The following PRUNE2 variants were observed in gnomAD, a reference collection of about 807,000 sequenced individuals.
The protein encoded by PRUNE2 is protein prune homolog 2.
In PRUNE2, 164 loss-of-function variants were observed where a neutral mutation model predicts 252.0. The ratio of observed to expected loss-of-function variants is 0.65; its 90% CI spans 0.57 to 0.74. The LOEUF (loss-of-function observed/expected upper bound fraction) is 0.74. PRUNE2 is among the 30% of genes least tolerant of loss of function. PRUNE2 has a pLI of 0.00. For synonymous variants in PRUNE2, 1,292 were observed against 1,350.2 expected, an observed-to-expected ratio of 0.96 and a Z score of 0.94; for missense variants, 3,495 against 3,711.0, an observed-to-expected ratio of 0.94 and a Z score of 1.51.
At chr9:76,673,112 G>A (rs2041841843) in intron 9 of PRUNE2, among the ~76,000 whole-genome samples, 3 of 151,902 alleles carry the variant, frequency 2.0e-5, no homozygotes, top group South Asian at 4.2e-4. Flanking sequence ...AATGAATCCA[G>A]GAGCTGGTTT....
intron 2 of PRUNE2, among the ~76,000 whole-genome samples, chr9:76,853,750 A>G (rs2060092727): frequency 6.6e-6 from 1 of 152,272 alleles, no homozygotes; most frequent in South Asian, 2.1e-4. Context: ...ACTATCAGCA[A>G]GGATGACAAA....
chr9:76,623,006 G>A (rs1833043213), intron 17 of PRUNE2, among the ~76,000 whole-genome samples: 1 of 152,170 alleles, frequency 6.6e-6, no homozygotes. Flanking sequence ...TGTCTAAATG[G>A]ATTGTTTTAA....
chr9:76,702,473 T>C (rs1198376164), intron 9 of PRUNE2, among the ~76,000 whole-genome samples: 3 of 152,136 alleles, frequency 2.0e-5, no homozygotes, highest in Non-Finnish European at 4.4e-5. Context: ...TAAACACAAA[T>C]GAAGAGAAAT....
At chr9:76,763,993 A>C (rs641125) in intron 6 of PRUNE2, among the ~76,000 whole-genome samples, 83,681 of 151,610 alleles carry the variant, frequency 0.55, 24,248 homozygotes, top group African/African-American at 0.73. Context: ...GGAGCACCTT[A>C]GGAATTGACC....
Position 76,710,288 on chromosome 9 carries a change from A to G in PRUNE2, c.1986T>C (p.Ile662=), listed in dbSNP as rs760315896. Residue 662 remains isoleucine (I), a synonymous_variant, in exon 8 of 19, where the codon ATT becomes ATC. Transcript: ENST00000376718. ...ACGCATCTGCAATATTTTTGGAGTC[A>G]ATTTCCAAACCACCCCACCAGCTGC... The part of the protein sequence containing the change: ...RCSSWWGGLE[I]DSKNIADAWS... 1 of 1,613,946 alleles carries G rather than the reference A, an allele frequency of 6.2e-7. No homozygotes were observed. Among genetic ancestry groups the G allele is most frequent in the Non-Finnish European group, 8.5e-7 (1 of 1,179,886 alleles).
At chr9:76,615,363 A>T (rs1225769127) in intron 18 of PRUNE2, 1 of 385,098 alleles carries the variant, frequency 2.6e-6, no homozygotes, top group Non-Finnish European at 3.6e-6. Context: ...GATTTTGCTT[A>T]TCTCTGCTCC....
chr9:76,773,740 G>A (rs771512062), intron 6 of PRUNE2, among the ~76,000 whole-genome samples: 2 of 152,120 alleles, frequency 1.3e-5, no homozygotes, highest in African/African-American at 2.4e-5. Context: ...CACCGCACCC[G>A]GCCAAGTACA....
At chr9:76,876,577 AC>A (rs2061489066) in intron 1 of PRUNE2, among the ~76,000 whole-genome samples, 3 of 152,096 alleles carry the variant, frequency 2.0e-5, no homozygotes. Flanking sequence ...ACCTAGACAT[AC>A]CTATTACACT....
At chr9:76,894,696 C>T (rs2062705277) in intron 1 of PRUNE2, among the ~76,000 whole-genome samples, 1 of 141,232 alleles carries the variant, frequency 7.1e-6, no homozygotes, top group Non-Finnish European at 1.5e-5. Context: ...CTTTTTGCAC[C>T]CTTTCATTAA....
At chr9:76,692,057 C>A in intron 9 of PRUNE2, 1 of 717,474 alleles carries the variant, frequency 1.4e-6, no homozygotes, top group South Asian at 1.5e-5. Flanking sequence ...CTAAAAGCTA[C>A]ACCAGGACCC....
At chr9:76,902,499 T>C (rs1484275697) in intron 1 of PRUNE2, among the ~76,000 whole-genome samples, 2 of 152,308 alleles carry the variant, frequency 1.3e-5, no homozygotes, top group South Asian at 2.1e-4. Context: ...GGTTCTCACA[T>C]CAAGGAAGTG....
intron 1 of PRUNE2, among the ~76,000 whole-genome samples, chr9:76,898,582 CA>C (rs2062982342): frequency 6.6e-6 from 1 of 151,590 alleles, no homozygotes; most frequent in South Asian, 2.1e-4. Flanking sequence ...TGACAGTAAC[CA>C]AAAGGATAAC....
intron 6 of PRUNE2, among the ~76,000 whole-genome samples, chr9:76,747,709 A>C (rs1303122842): frequency 1.3e-5 from 2 of 152,224 alleles, no homozygotes; most frequent in African/African-American, 4.8e-5. Context: ...AGTACTGCTT[A>C]AGGATGACAA....
chr9:76,753,835 G>A (rs1408109239), intron 6 of PRUNE2, among the ~76,000 whole-genome samples: 10 of 151,622 alleles, frequency 6.6e-5, no homozygotes, highest in African/African-American at 9.7e-5. Context: ...GGAGAATGGC[G>A]TGAACCCAGG....
At chr9:76,691,583 T>C (rs2044729465) in intron 9 of PRUNE2, among the ~76,000 whole-genome samples, 1 of 152,126 alleles carries the variant, frequency 6.6e-6, no homozygotes, top group Admixed American at 6.5e-5. Context: ...TACAAGATTC[T>C]TTAGAAAAAC....
rs759627070 is a variant in PRUNE2 at position 76,774,459 on chromosome 9, T to TATTTATTTATTTATTTATTTA, written c.756+49172_756+49173insTAAATAAATAAATAAATAAAT. On this transcript the variant is annotated intron_variant, in intron 6 of 18. Coordinates refer to ENST00000376718, the MANE Select transcript of PRUNE2 (RefSeq NM_015225.3). ...GGCCTCCAGTTCAACCCTTTTTTTTTTTTTTTTTTTTTTTTTTTGAGATGG... is the reference window on the plus strand; with the variant it reads ...GGCCTCCAGTTCAACCCTTTTTTTTTATTTATTTATTTATTTATTTATTTTTTTTTTTTTTTTTTGAGATGG... 2.2e-4 allele frequency among the ~76,000 whole-genome samples: 30 copies of TATTTATTTATTTATTTATTTA among 139,124 alleles called. 1 individual carries two copies. The highest frequency in any genetic ancestry group is 7.9e-4 in the African/African-American group (30 of 38,042). 91.3% of individuals were successfully genotyped at this position (139,124 alleles called of 152,430 possible).
At chr9:76,891,056 A>C (rs2062443041) in intron 1 of PRUNE2, among the ~76,000 whole-genome samples, 1 of 152,196 alleles carries the variant, frequency 6.6e-6, no homozygotes, top group Non-Finnish European at 1.5e-5. Context: ...GATACAAAAG[A>C]TTGGTAGGGA....
chr9:76,638,665 G>C (rs555543597), intron 12 of PRUNE2, among the ~76,000 whole-genome samples: 19 of 152,276 alleles, frequency 1.2e-4, no homozygotes, highest in African/African-American at 4.6e-4. Context: ...TAATACATAA[G>C]TACTTATACA....
rs2046442588 is a variant in PRUNE2, at chr9:76,708,142, T to G, written c.4132A>C (p.Ile1378Leu). The change falls in exon 8 of 19, where the codon ATT becomes CTT. Residue 1378 changes from isoleucine to leucine, a missense_variant. Ile to Leu is a conservative substitution (Grantham distance 5, BLOSUM62 2). Coordinates refer to ENST00000376718, the MANE Select transcript of PRUNE2 (RefSeq NM_015225.3). ...LVASEHQEIC[I>L]KSGKISSLAV... ...AGAGAGCTGATTTTGCCTGATTTAA[T>G]GCAGATTTCCTGATGTTCAGATGCA... The G allele has an allele frequency of 6.2e-7, 1 of 1,613,904 alleles. No homozygotes were observed. The highest frequency in any genetic ancestry group is 8.5e-7 in the Non-Finnish European group (1 of 1,179,906).
Sources: allele counts gnomAD v4.1 joint callset (sites outside exome capture counted in the v4.1 genomes callset), GRCh38; gene constraint gnomAD v4.1.1; transcripts MANE v1.5; gene names NCBI Gene and HGNC (gene_info 2026-07-23, HGNC 2026-07-21).